Variants in RNF220 observed in about 807,000 individuals in gnomAD.
RNF220 encodes the protein ring finger protein 220.
In RNF220, 7 loss-of-function variants were observed where a neutral mutation model predicts 67.1. The ratio of observed to expected loss-of-function variants is 0.10; its 90% confidence interval spans 0.06 to 0.20. The LOEUF (loss-of-function observed/expected upper bound fraction) is 0.20. Among genes scored for constraint, RNF220 ranks in the 10% least tolerant of loss-of-function variants. The pLI is 1.00. For synonymous variants in RNF220, 270 were observed against 283.2 expected (o/e 0.95, Z 0.47); for missense variants, 565 against 740.3 (o/e 0.76, Z 2.75).
rs1026920071 is a variant in RNF220 at position 44,529,332 on chromosome 1, GA to G, written c.626-84823del. ...TAATGTTAAGTAAAACTATGCATGG[GA>G]AAAAAAAAAGGAATTACACACACAC... On this transcript the variant is annotated intron_variant, in intron 2 of 14. Transcript: ENST00000361799. Among the ~76,000 whole-genome samples, 356 of 146,510 alleles carry G rather than the reference GA, an allele frequency of 2.4e-3. 2 individuals carry two copies. The highest frequency in any genetic ancestry group is 7.6e-3 in the South Asian group (35 of 4,600).
rs565962579 is a variant in RNF220 at position 44,453,869 on chromosome 1, T to C, written c.625+41147T>C. Among the ~76,000 whole-genome samples the C allele has an allele frequency of 2.0e-5, 3 of 152,328 alleles. No homozygotes were observed. The East Asian group carries it at 5.8e-4, about 29-fold the overall frequency. On this transcript the variant is annotated intron_variant, in intron 2 of 14. Coordinates refer to ENST00000361799, the MANE Select transcript of RNF220 (RefSeq NM_018150.4). ...ATTGAGGATCCACAGAGAACTTTGTTTATGTAAGTTACCTATCAATGTTAG... is the reference window on the plus strand; with the variant it reads ...ATTGAGGATCCACAGAGAACTTTGTCTATGTAAGTTACCTATCAATGTTAG...
chr1:44,470,448 T>C (rs953375569), intron 2 of RNF220, among the ~76,000 whole-genome samples: 1 of 152,146 alleles, frequency 6.6e-6, no homozygotes, highest in African/African-American at 2.4e-5. Context: ...AATATACAGG[T>C]TTATTTATGT....
At chr1:44,522,905 A>G (rs554557425) in intron 2 of RNF220, among the ~76,000 whole-genome samples, 1 of 152,384 alleles carries the variant, frequency 6.6e-6, no homozygotes, top group African/African-American at 2.4e-5. Context: ...AAGCACTCAC[A>G]AAGCCAAAAC....
At chr1:44,485,366 C>T (rs1010762701) in intron 2 of RNF220, among the ~76,000 whole-genome samples, 21 of 152,038 alleles carry the variant, frequency 1.4e-4, no homozygotes, top group East Asian at 1.9e-4. Context: ...GGAGGTCTCC[C>T]GGGATTGTTC....
In RNF220 at chr1:44,645,286, G is replaced by A; in HGVS notation, c.1366+10G>A. ...AAATGGGCCAGTGATGGTAAGTCCT[G>A]CCCCAGGTTAGGAGTAATGGGGGAG... On this transcript the variant is annotated intron_variant, in intron 11 of 14. Coordinates refer to ENST00000361799, the MANE Select transcript of RNF220 (RefSeq NM_018150.4). The surrounding 1 kb of genome is among the most constrained non-coding windows in gnomAD (Gnocchi z 5.0). The A allele has an allele frequency of 1.2e-6, 2 of 1,614,060 alleles. No individual in the cohort carries two copies. The highest frequency in any genetic ancestry group is 1.1e-5 in the South Asian group (1 of 91,076).
In RNF220 at chr1:44,645,362, G is replaced by C. The variant is rs752073459; in HGVS notation, c.1367-48G>C. On this transcript the variant is annotated intron_variant, in intron 11 of 14. Transcript: ENST00000361799. The surrounding 1 kb of genome is among the most constrained non-coding windows in gnomAD (Gnocchi z 5.0). ...CTGACTCAAGCCCAACCCCTCACCT[G>C]TGCTGCCCAGTCTGGCCGGAGTGTG... 1 of 1,613,630 alleles carries C rather than the reference G, an allele frequency of 6.2e-7. No homozygotes were observed. The highest frequency in any genetic ancestry group is 8.5e-7 in the Non-Finnish European group (1 of 1,179,552).
chr1:44,562,042 T>C (rs1283245993), intron 2 of RNF220, among the ~76,000 whole-genome samples: 1 of 152,128 alleles, frequency 6.6e-6, no homozygotes, highest in African/African-American at 2.4e-5. Context: ...AGACCCATTC[T>C]AAAAGTTCCT....
intron 2 of RNF220, among the ~76,000 whole-genome samples, chr1:44,522,476 G>C (rs76254462): frequency 1.8e-4 from 27 of 152,262 alleles, no homozygotes; most frequent in African/African-American, 6.0e-4. Context: ...CTTCTTGAAG[G>C]GGGTAAAAGT....
At chr1:44,512,691 T>A (rs950949210) in intron 2 of RNF220, among the ~76,000 whole-genome samples, 1 of 152,198 alleles carries the variant, frequency 6.6e-6, no homozygotes, top group Non-Finnish European at 1.5e-5. Flanking sequence ...CTGTTTAGCT[T>A]GGCTAAGTGA....
At chr1:44,635,692 TCCTTCCCCGCTC>T (rs1557465789) in intron 7 of RNF220, 104 bp downstream of exon 7, 4 of 1,579,518 alleles carry the variant, frequency 2.5e-6, no homozygotes, top group Non-Finnish European at 8.6e-7. Flanking sequence ...CCACCCACCT[TCCTTCCCCGCTC>T]CCTTCCCCCG....
In RNF220 at chr1:44,596,006, C is replaced by T. The variant is rs183829611; in HGVS notation, c.626-18159C>T. Among the ~76,000 whole-genome samples, 702 of 152,260 alleles carry T rather than the reference C, an allele frequency of 4.6e-3. 2 individuals carry two copies. The highest frequency in any genetic ancestry group is 0.01 in the Middle Eastern group (3 of 292). ...GTCTCGATCTCCTGACCTCATGATC[C>T]GCCCATCTCAGCCTCCCAAAGTGCT... On this transcript the variant is annotated intron_variant, in intron 2 of 14. Transcript: ENST00000361799.
intron 2 of RNF220, among the ~76,000 whole-genome samples, chr1:44,420,271 G>A (rs965981182): frequency 6.6e-6 from 1 of 152,192 alleles, no homozygotes; most frequent in African/African-American, 2.4e-5. Flanking sequence ...GGAACCTTTT[G>A]GTACAGTCTT....
intron 2 of RNF220, among the ~76,000 whole-genome samples, chr1:44,432,701 C>G (rs1650520891): frequency 6.6e-6 from 1 of 152,226 alleles, no homozygotes; most frequent in Non-Finnish European, 1.5e-5. Context: ...ATTAGCCTCC[C>G]CAGTAGCTGG....
chr1:44,458,336 G>GT (rs57080249), intron 2 of RNF220, among the ~76,000 whole-genome samples: 2,262 of 141,180 alleles, frequency 0.016, 49 homozygotes, highest in African/African-American at 0.046. Context: ...GATTTTTCCA[G>GT]TTTTTTTTTT....
rs1644751403 is a variant in RNF220 at position 44,650,097 on chromosome 1, G to T, written c.1629+140G>T. The T allele has an allele frequency of 2.3e-6, 2 of 888,530 alleles. No individual in the cohort carries two copies. Among genetic ancestry groups the T allele is most frequent in the Non-Finnish European group, 1.7e-6 (1 of 587,970 alleles). 55.0% of individuals were successfully genotyped at this position (888,530 alleles called of 1,614,324 possible). On this transcript the variant is annotated intron_variant, in intron 14 of 14. Transcript: ENST00000361799. The surrounding 1 kb of genome is among the most constrained non-coding windows in gnomAD (Gnocchi z 4.3). ...GAGCCAGGAGCCAGGATATTTACCC[G>T]CAGGATATTTACCCCCAGGCTCGCT...
intron 2 of RNF220, among the ~76,000 whole-genome samples, chr1:44,539,654 A>G (rs761825490): frequency 6.6e-6 from 1 of 152,208 alleles, no homozygotes. Context: ...AAAAGGTAAC[A>G]CTAAAGTCAG....
rs1428376098 is a variant in RNF220 at position 44,624,758 on chromosome 1, G to T, written c.805-1539G>T. ...TTGCCATTAAGAAAAAAATTAGCCG[G>T]TGGCGGCTATCATATTAAAGGGTGA... On this transcript the variant is annotated intron_variant, in intron 4 of 14. Coordinates refer to ENST00000361799, the MANE Select transcript of RNF220 (RefSeq NM_018150.4). The surrounding 1 kb of genome is among the most constrained non-coding windows in gnomAD (Gnocchi z 4.2). 6.6e-6 allele frequency among the ~76,000 whole-genome samples: 1 copy of T among 152,102 alleles called. No homozygotes were observed. Among genetic ancestry groups the T allele is most frequent in the Non-Finnish European group, 1.5e-5 (1 of 68,022 alleles).
At chr1:44,469,199 C>A (rs1395874695) in intron 2 of RNF220, among the ~76,000 whole-genome samples, 1 of 152,110 alleles carries the variant, frequency 6.6e-6, no homozygotes, top group Admixed American at 6.6e-5. Context: ...GAATTGAACT[C>A]TATTATTAGA....
At position 44,602,147 on chromosome 1, in the gene RNF220, G is replaced by C. The variant is rs147759797; in HGVS notation, c.626-12018G>C. Among the ~76,000 whole-genome samples the C allele has an allele frequency of 3.6e-3, 545 of 152,142 alleles. 1 individual carries two copies. Among genetic ancestry groups the C allele is most frequent in the Non-Finnish European group, 5.7e-3 (388 of 68,000 alleles). Reference sequence around the variant, plus strand: ...ACAAGGATCTCCAGGAGGAAGTCAAGAACAGGAAAAAAAATAATAGGAGCT... The same window carrying C: ...ACAAGGATCTCCAGGAGGAAGTCAACAACAGGAAAAAAAATAATAGGAGCT... On this transcript the variant is annotated intron_variant, in intron 2 of 14. Coordinates refer to ENST00000361799, the MANE Select transcript of RNF220 (RefSeq NM_018150.4).
Sources: allele counts gnomAD v4.1 joint callset (sites outside exome capture counted in the v4.1 genomes callset), GRCh38; gene constraint gnomAD v4.1.1; non-coding constraint Gnocchi (gnomAD v3.1); transcripts MANE v1.5; gene names NCBI Gene and HGNC (gene_info 2026-07-23, HGNC 2026-07-21).